TES: variants seen among roughly 807,000 people sequenced by gnomAD.
TES encodes the protein testin LIM domain protein, also known as testin.
In TES, 41 loss-of-function variants were observed where a neutral mutation model predicts 48.2. That is an observed-to-expected ratio of 0.85 (90% CI 0.66 to 1.10). The LOEUF (loss-of-function observed/expected upper bound fraction) is 1.10. Ranked by LOEUF, TES falls within the 50% of genes least tolerant of loss-of-function variation. The probability of loss-of-function intolerance (pLI) is 0.00; values close to 1 mark genes in which losing one functional copy is unlikely to be tolerated. For synonymous variants in TES, 162 were observed against 174.9 expected, an observed-to-expected ratio of 0.93 and a Z score of 0.58; for missense variants, 463 against 515.1, an observed-to-expected ratio of 0.90 and a Z score of 0.98.
Position 116,233,138 on chromosome 7 carries a change from T to C in TES, c.28-1396T>C, listed in dbSNP as rs552401026. On this transcript the variant is annotated intron_variant, in intron 1 of 6. Transcript: ENST00000358204. ...CTATTACTTGTCCAGCTTGAACTGC[T>C]ACTCTAGGCACTAACCAGTAACTAA... 2.0e-5 allele frequency among the ~76,000 whole-genome samples: 3 copies of C among 152,362 alleles called. No homozygotes were observed. The South Asian group carries it at 6.2e-4, about 32-fold the overall frequency.
At chr7:116,211,979 G>A (rs1799444036) in intron 1 of TES, among the ~76,000 whole-genome samples, 1 of 152,154 alleles carries the variant, frequency 6.6e-6, no homozygotes, top group Admixed American at 6.5e-5. Context: ...TAATGGTAGC[G>A]TGATTGCATT....
intron 2 of TES, 65 bp downstream of exon 2, chr7:116,234,684 T>C (rs1799743797): frequency 1.5e-6 from 2 of 1,332,230 alleles, no homozygotes; most frequent in Non-Finnish European, 2.2e-6. Context: ...CCTCAGACAG[T>C]GGAGATATCT....
chr7:116,215,491 C>T (rs1425418576), intron 1 of TES, among the ~76,000 whole-genome samples: 4 of 152,170 alleles, frequency 2.6e-5, no homozygotes, highest in Middle Eastern at 6.8e-3. Flanking sequence ...GCAAAGTATA[C>T]GAAAAGTAAA....
chr7:116,249,413 C>A, intron 3 of TES, 141 bp downstream of exon 3: 1 of 995,230 alleles, frequency 1.0e-6, no homozygotes, highest in Non-Finnish European at 1.5e-6. Flanking sequence ...ACTTCTGATT[C>A]CTGTTCTAGT....
chr7:116,220,574 T>C (rs182187794), intron 1 of TES, among the ~76,000 whole-genome samples: 27 of 152,338 alleles, frequency 1.8e-4, no homozygotes, highest in Admixed American at 1.7e-3. Context: ...AAGTAGTACA[T>C]GTAAATGTTT....
chr7:116,253,164 A>C (rs1800043734), intron 6 of TES, among the ~76,000 whole-genome samples: 1 of 152,238 alleles, frequency 6.6e-6, no homozygotes, highest in African/African-American at 2.4e-5. Context: ...TATATGCAGC[A>C]AAACACATAT....
intron 1 of TES, among the ~76,000 whole-genome samples, chr7:116,229,002 A>C (rs1799660450): frequency 2.3e-4 from 1 of 4,334 alleles, no homozygotes; most frequent in Admixed American, 1.4e-3. Flanking sequence ...CTATAACTAT[A>C]TATATATATA....
At position 116,249,222 on chromosome 7, in the gene TES, A is replaced by G; in HGVS notation, c.316A>G (p.Ile106Val). Reference sequence around the variant, plus strand: ...AGTTGCTGCCAAGAAGAATGTCTCCATCAATACAGTTACCTATGAGTGGGC... The same window carrying G: ...AGTTGCTGCCAAGAAGAATGTCTCCGTCAATACAGTTACCTATGAGTGGGC... ...NPVAAKKNVS[I>V]NTVTYEWAPP... Residue 106 changes from isoleucine (I) to valine (V), a missense_variant, in exon 3 of 7, where the codon ATC (isoleucine) becomes GTC (valine). Physicochemically the swap from Ile to Val is conservative, Grantham distance 29. Transcript: ENST00000358204. The G allele has an allele frequency of 6.2e-7, 1 of 1,614,112 alleles. No individual in the cohort carries two copies. The highest frequency in any genetic ancestry group is 8.5e-7 in the Non-Finnish European group (1 of 1,179,968).
In TES at chr7:116,210,645, C is replaced by T; in HGVS notation, c.-63C>T. ...CCCGTGTTCGCAGCGGAGCCGGAGG[C>T]CAGCTGAACCCGGCCGTGGGATCCC... On this transcript the variant is annotated 5_prime_UTR_variant, in exon 1 of 7. Transcript: ENST00000358204. The T allele has an allele frequency of 7.7e-7, 1 of 1,295,152 alleles. No individual in the cohort carries two copies. The highest frequency in any genetic ancestry group is 9.9e-7 in the Non-Finnish European group (1 of 1,009,910). 80.2% of individuals were successfully genotyped at this position (1,295,152 alleles called of 1,614,324 possible).
chr7:116,214,574 C>CT lies in TES; in HGVS notation c.27+3841dup, dbSNP rs886466930. 4.7e-4 allele frequency among the ~76,000 whole-genome samples: 71 copies of CT among 152,294 alleles called. 2 individuals are homozygous for CT. Among genetic ancestry groups the CT allele is most frequent in the African/African-American group, 1.5e-3 (64 of 41,558 alleles). ...GGTCCTCGGCCAGGCTTTTATAAAACTATTCTAACCCATGGTGTGATTCAT... is the reference window on the plus strand; with the variant it reads ...GGTCCTCGGCCAGGCTTTTATAAAACTTATTCTAACCCATGGTGTGATTCAT... On this transcript the variant is annotated intron_variant, in intron 1 of 6. Coordinates refer to ENST00000358204, the MANE Select transcript of TES (RefSeq NM_015641.4).
chr7:116,257,364 A>T lies in TES; in HGVS notation c.1148A>T (p.His383Leu), dbSNP rs760546171. ...GTGACCTATAACAATTTCAGCTGGC[A>T]TGCATCCACAGAGTGCTTTCTGTGC... ...QRVTYNNFSW[H>L]ASTECFLCSC... The change falls in exon 7 of 7, where the codon CAT becomes CTT. Residue 383 changes from histidine (H) to leucine (L), a missense_variant. Transcript: ENST00000358204. The T allele has an allele frequency of 1.4e-5, 23 of 1,613,996 alleles. No homozygotes were observed.
chr7:116,217,517 A>C (rs1799507374), intron 1 of TES, among the ~76,000 whole-genome samples: 1 of 152,142 alleles, frequency 6.6e-6, no homozygotes, highest in South Asian at 2.1e-4. Context: ...ATTGTTTATT[A>C]AATCATTAAT....
chr7:116,254,000 G>A (rs769106830), intron 6 of TES, among the ~76,000 whole-genome samples: 5 of 152,108 alleles, frequency 3.3e-5, no homozygotes, highest in African/African-American at 4.8e-5. Flanking sequence ...TGACTGACTC[G>A]TGTTCTTAAT....
At chr7:116,256,074 C>G (rs1016889307) in intron 6 of TES, among the ~76,000 whole-genome samples, 3 of 151,736 alleles carry the variant, frequency 2.0e-5, no homozygotes, top group Non-Finnish European at 2.9e-5. Context: ...GTGTGTTGAT[C>G]AAAGAATTTT....
chr7:116,243,785 G>C (rs1212909669), intron 2 of TES: 2 of 152,136 alleles, frequency 1.3e-5, no homozygotes, highest in Non-Finnish European at 2.9e-5. Flanking sequence ...CTCTCAGTTA[G>C]TCAAGACATA....
chr7:116,227,174 T>A (rs1248419797), intron 1 of TES, among the ~76,000 whole-genome samples: 3 of 151,670 alleles, frequency 2.0e-5, no homozygotes, highest in Admixed American at 2.0e-4. Context: ...CTGGAGTGCA[T>A]GGCGTGATCT....
chr7:116,252,033 T>C, intron 5 of TES, 58 bp downstream of exon 5: 1 of 1,547,050 alleles, frequency 6.5e-7, no homozygotes, highest in South Asian at 1.1e-5. Flanking sequence ...ATATGGTCCC[T>C]TTACCTAGAA....
intron 1 of TES, among the ~76,000 whole-genome samples, chr7:116,214,155 T>C (rs1489460891): frequency 6.6e-6 from 1 of 152,160 alleles, no homozygotes; most frequent in Non-Finnish European, 1.5e-5. Context: ...CTTATTTCTT[T>C]AATTTTACTT....
At chr7:116,232,572 C>A (rs1043498285) in intron 1 of TES, among the ~76,000 whole-genome samples, 10 of 152,056 alleles carry the variant, frequency 6.6e-5, no homozygotes, top group African/African-American at 2.4e-4. Context: ...TTTGGATTTG[C>A]TTTTCATTTT....
Sources: gnomAD v4.1 joint callset for allele counts (sites outside exome capture counted in the v4.1 genomes callset) on GRCh38, gnomAD v4.1.1 for gene constraint, MANE v1.5 for transcripts, NCBI Gene and HGNC (gene_info 2026-07-23, HGNC 2026-07-21) for gene names.